Variants in GPC5 observed in about 807,000 individuals in gnomAD.
GPC5 encodes the protein glypican 5, also known as glypican-5.
In GPC5, 47 loss-of-function variants were observed where a neutral mutation model predicts 53.9. The observed-to-expected ratio is 0.87, with a 90% CI of 0.69 to 1.11. The LOEUF (loss-of-function observed/expected upper bound fraction) is 1.11. GPC5 is among the 50% of genes most tolerant of loss of function. The probability of loss-of-function intolerance (pLI) is 0.00; values close to 1 mark genes in which losing one functional copy is unlikely to be tolerated. For synonymous variants in GPC5, 286 were observed against 263.3 expected, an observed-to-expected ratio of 1.09 and a Z score of -0.84; for missense variants, 748 against 713.1, an observed-to-expected ratio of 1.05 and a Z score of -0.56.
chr13:91,757,384 G>A (rs1824577262), intron 5 of GPC5, among the ~76,000 whole-genome samples: 1 of 152,090 alleles, frequency 6.6e-6, no homozygotes, highest in Admixed American at 6.6e-5. Flanking sequence ...GAAAGATAGG[G>A]TGTTAAGCTT....
At chr13:92,721,420 T>C (rs953030468) in intron 7 of GPC5, 7 of 152,036 alleles carry the variant, frequency 4.6e-5, no homozygotes, top group South Asian at 2.1e-4. Context: ...TAAAAACTGG[T>C]ATCCAAAATC....
chr13:91,498,276 T>C (rs1228068231), intron 2 of GPC5, among the ~76,000 whole-genome samples: 1 of 150,756 alleles, frequency 6.6e-6, no homozygotes, highest in African/African-American at 2.4e-5. Flanking sequence ...TTCATAGTAT[T>C]TATCACATTC....
intron 7 of GPC5, chr13:92,446,438 T>C (rs1452820741): frequency 6.6e-6 from 1 of 150,642 alleles, no homozygotes; most frequent in African/African-American, 2.4e-5. Flanking sequence ...ACTAGATCCA[T>C]GTTGTTGCAA....
intron 7 of GPC5, among the ~76,000 whole-genome samples, chr13:92,684,245 T>A (rs754320834): frequency 1.3e-5 from 2 of 152,028 alleles, no homozygotes; most frequent in Non-Finnish European, 2.9e-5. Flanking sequence ...TTTTTATGGC[T>A]TTCTTTCTCT....
intron 7 of GPC5, among the ~76,000 whole-genome samples, chr13:92,281,596 C>T (rs772746258): frequency 7.9e-5 from 12 of 152,276 alleles, no homozygotes; most frequent in South Asian, 6.2e-4. Context: ...CAGCAATATT[C>T]GCTGTTCTGC....
intron 7 of GPC5, among the ~76,000 whole-genome samples, chr13:92,176,090 A>T (rs1161561466): frequency 6.6e-6 from 1 of 152,212 alleles, no homozygotes; most frequent in African/African-American, 2.4e-5. Context: ...TCAAATTTTA[A>T]TGTGCATCAG....
intron 7 of GPC5, among the ~76,000 whole-genome samples, chr13:92,341,958 T>C (rs1247776500): frequency 2.0e-5 from 3 of 152,170 alleles, no homozygotes; most frequent in Admixed American, 6.6e-5. Context: ...AAATACTGTT[T>C]TGTTACGTAG....
At chr13:91,589,310 C>T (rs566783217) in intron 2 of GPC5, among the ~76,000 whole-genome samples, 2 of 152,078 alleles carry the variant, frequency 1.3e-5, no homozygotes, top group East Asian at 3.9e-4. Flanking sequence ...TGCCTTTCCC[C>T]ACTTCCTTTT....
At chr13:91,747,596 A>C (rs2037078680) in intron 4 of GPC5, among the ~76,000 whole-genome samples, 1 of 150,712 alleles carries the variant, frequency 6.6e-6, no homozygotes, top group Non-Finnish European at 1.5e-5. Flanking sequence ...GTCTGAACAT[A>C]TTGCATTCTC....
chr13:91,933,451 A>G (rs1312361903), intron 6 of GPC5, among the ~76,000 whole-genome samples: 1 of 152,010 alleles, frequency 6.6e-6, no homozygotes, highest in African/African-American at 2.4e-5. Flanking sequence ...ATAGAAAGAT[A>G]AAAGAGTTCC....
chr13:92,587,264 T>G (rs1883567510), intron 7 of GPC5, among the ~76,000 whole-genome samples: 1 of 152,228 alleles, frequency 6.6e-6, no homozygotes, highest in African/African-American at 2.4e-5. Flanking sequence ...AATAACTACT[T>G]ACATTTGTAA....
chr13:91,990,266 G>A lies in GPC5; in HGVS notation c.1401+82209G>A, dbSNP rs895995788. Among the ~76,000 whole-genome samples, 72 of 152,256 alleles carry A rather than the reference G, an allele frequency of 4.7e-4. 1 individual carries two copies. Among genetic ancestry groups the A allele is most frequent in the African/African-American group, 1.7e-3 (71 of 41,560 alleles). On this transcript the variant is annotated intron_variant, in intron 6 of 7. Transcript: ENST00000377067. ...TCAAGTAAAAGTGAGCAAAATGTCA[G>A]GAGAGACAATTTTGTGTCTTTAAAG... is the stretch of plus-strand genomic sequence containing the variant.
chr13:92,401,289 A>G (rs548092492), intron 7 of GPC5, among the ~76,000 whole-genome samples: 37 of 151,960 alleles, frequency 2.4e-4, no homozygotes, highest in East Asian at 1.6e-3. Flanking sequence ...TCCTGGGTGC[A>G]TAGTACTATG....
chr13:91,820,846 A>G (rs7336962), intron 5 of GPC5, among the ~76,000 whole-genome samples: 1 of 151,884 alleles, frequency 6.6e-6, no homozygotes, highest in Middle Eastern at 3.2e-3. Context: ...GCCTGTAGTC[A>G]CAGCTACTCG....
intron 5 of GPC5, among the ~76,000 whole-genome samples, chr13:91,873,375 TC>T (rs1280740806): frequency 6.6e-6 from 1 of 152,116 alleles, no homozygotes; most frequent in Admixed American, 6.5e-5. Context: ...TTTGGCTGTG[TC>T]CCCGCCCAAA....
At chr13:91,484,554 ATGT>A (rs1288707929) in intron 2 of GPC5, among the ~76,000 whole-genome samples, 2 of 152,038 alleles carry the variant, frequency 1.3e-5, no homozygotes, top group Non-Finnish European at 2.9e-5. Flanking sequence ...CAATTACAAT[ATGT>A]GTATATGTAT....
At chr13:92,500,624 T>A (rs1309616721) in intron 7 of GPC5, among the ~76,000 whole-genome samples, 1 of 150,268 alleles carries the variant, frequency 6.7e-6, no homozygotes, top group Non-Finnish European at 1.5e-5. Context: ...TATTTTACAA[T>A]TTTTCCCCCC....
At chr13:91,546,992 A>G (rs1232519286) in intron 2 of GPC5, among the ~76,000 whole-genome samples, 2 of 152,078 alleles carry the variant, frequency 1.3e-5, no homozygotes, top group Non-Finnish European at 2.9e-5. Flanking sequence ...ATGAGAAGGT[A>G]GATGGATAAG....
intron 6 of GPC5, among the ~76,000 whole-genome samples, chr13:91,938,176 G>C (rs564221280): frequency 6.6e-6 from 1 of 152,132 alleles, no homozygotes; most frequent in South Asian, 2.1e-4. Flanking sequence ...ATGGTCTCAT[G>C]GTTCTGCAAG....
Sources: gnomAD v4.1 joint callset for allele counts (sites outside exome capture counted in the v4.1 genomes callset) on GRCh38, gnomAD v4.1.1 for gene constraint, MANE v1.5 for transcripts, NCBI Gene and HGNC (gene_info 2026-07-23, HGNC 2026-07-21) for gene names.